Variants in PLCL1 observed in about 807,000 individuals in gnomAD.
PLCL1 encodes phospholipase C like 1 (inactive).
PLCL1 carries 41 observed loss-of-function variants against 84.4 expected under a neutral mutation model. That is an observed-to-expected ratio of 0.49 (90% CI 0.38 to 0.63). PLCL1 has a LOEUF of 0.63. PLCL1 is among the 30% of genes least tolerant of loss of function. PLCL1 has a pLI of 0.00. For synonymous variants in PLCL1, 490 were observed against 488.3 expected, an observed-to-expected ratio of 1.00 and a Z score of -0.05; for missense variants, 1,206 against 1,367.8, an observed-to-expected ratio of 0.88 and a Z score of 1.87.
intron 1 of PLCL1, chr2:198,071,016 A>C: frequency 1.1e-6 from 1 of 922,352 alleles, no homozygotes; most frequent in African/African-American, 1.8e-5. Flanking sequence ...ATATTCTTCC[A>C]GACTTGTCAT....
intron 1 of PLCL1, among the ~76,000 whole-genome samples, chr2:197,880,352 A>T (rs1024825004): frequency 2.6e-5 from 4 of 152,102 alleles, no homozygotes; most frequent in Non-Finnish European, 5.9e-5. Context: ...TTTTAGAAAT[A>T]TGTTTGAATG....
chr2:198,138,568 T>C (rs1694311093), intron 5 of PLCL1, among the ~76,000 whole-genome samples: 1 of 152,124 alleles, frequency 6.6e-6, no homozygotes, highest in East Asian at 1.9e-4. Context: ...TACAAGAAGT[T>C]GTTTGAAGGC....
At chr2:197,918,365 T>C (rs746619756) in intron 1 of PLCL1, among the ~76,000 whole-genome samples, 2 of 152,066 alleles carry the variant, frequency 1.3e-5, no homozygotes, top group Non-Finnish European at 2.9e-5. Context: ...GTTTCCTGGA[T>C]GAGAGCCTGG....
chr2:197,843,797 C>G (rs974016966), intron 1 of PLCL1, among the ~76,000 whole-genome samples: 4 of 152,166 alleles, frequency 2.6e-5, no homozygotes, highest in Non-Finnish European at 4.4e-5. Context: ...AATATAGAAA[C>G]TTACTCTTAT....
chr2:197,818,790 T>C (rs1690744155), intron 1 of PLCL1, among the ~76,000 whole-genome samples: 1 of 152,034 alleles, frequency 6.6e-6, no homozygotes, highest in Non-Finnish European at 1.5e-5. Flanking sequence ...TGAAAGACAC[T>C]GAGTTACTGG....
chr2:197,864,017 T>G (rs1360888101), intron 1 of PLCL1, among the ~76,000 whole-genome samples: 2 of 152,124 alleles, frequency 1.3e-5, no homozygotes, highest in Non-Finnish European at 2.9e-5. Context: ...AGCAGAGTAT[T>G]TAGTAGGAGG....
At chr2:197,898,271 G>T (rs989423111) in intron 1 of PLCL1, among the ~76,000 whole-genome samples, 2 of 152,178 alleles carry the variant, frequency 1.3e-5, no homozygotes, top group Non-Finnish European at 2.9e-5. Flanking sequence ...CATGAGGTAG[G>T]TTACTGGGCT....
At chr2:198,090,050 C>T (rs11684176) in intron 3 of PLCL1, among the ~76,000 whole-genome samples, 58,212 of 151,888 alleles carry the variant, frequency 0.38, 12,488 homozygotes, top group Middle Eastern at 0.62. Context: ...AAAATGCTTA[C>T]GAGTTTGATC....
At chr2:198,144,471 G>A (rs1694467910) in intron 5 of PLCL1, among the ~76,000 whole-genome samples, 1 of 152,046 alleles carries the variant, frequency 6.6e-6, no homozygotes, top group African/African-American at 2.4e-5. Context: ...AATATAGATA[G>A]TACCAAGATA....
chr2:197,831,357 A>AG (rs916801793), intron 1 of PLCL1, among the ~76,000 whole-genome samples: 1 of 152,164 alleles, frequency 6.6e-6, no homozygotes. Context: ...AAAAAAAAGC[A>AG]GGGGTGGCAA....
intron 1 of PLCL1, among the ~76,000 whole-genome samples, chr2:197,877,692 T>C (rs1432032620): frequency 6.6e-6 from 1 of 152,152 alleles, no homozygotes; most frequent in East Asian, 1.9e-4. Context: ...CTTAAATATA[T>C]GTCAAAAAGA....
chr2:197,811,994 T>C (rs1690597222), intron 1 of PLCL1, among the ~76,000 whole-genome samples: 1 of 152,196 alleles, frequency 6.6e-6, no homozygotes, highest in Non-Finnish European at 1.5e-5. Context: ...GTCCCCAGTA[T>C]TTATTGTTCC....
In PLCL1 at chr2:197,966,531, G is replaced by A. The variant is rs535808216; in HGVS notation, c.241-117227G>A. The stretch of plus-strand genomic sequence containing the variant: ...TTCTGCTGTGACAGGGCAAGACTGA[G>A]TTTCAGTGTAAAGTCTAACAATCAC... On this transcript the variant is annotated intron_variant, in intron 1 of 5. Transcript: ENST00000428675. Among the ~76,000 whole-genome samples, 11 of 152,242 alleles carry A rather than the reference G, an allele frequency of 7.2e-5. No homozygotes were observed. The South Asian group carries it at 2.3e-3, about 32-fold the overall frequency.
At position 198,130,437 on chromosome 2, in the gene PLCL1, A is replaced by G. The variant is rs561871826; in HGVS notation, c.3106-16343A>G. On this transcript the variant is annotated intron_variant, in intron 5 of 5. Transcript: ENST00000428675. The stretch of plus-strand genomic sequence containing the variant: ...GCAAAGGGTTTTGATTATCTTCACC[A>G]TGCTGTCAAATCTCAAGTGTGTATT... 3.1e-3 allele frequency among the ~76,000 whole-genome samples: 476 copies of G among 152,218 alleles called. 1 individual carries two copies. Among genetic ancestry groups the G allele is most frequent in the Non-Finnish European group, 5.6e-3 (381 of 68,016 alleles).
chr2:198,114,205 G>A (rs1425516286), intron 5 of PLCL1, among the ~76,000 whole-genome samples: 1 of 151,820 alleles, frequency 6.6e-6, no homozygotes, highest in Non-Finnish European at 1.5e-5. Flanking sequence ...CTGGTTACAT[G>A]GTGTCCAGAT....
At chr2:197,974,847 A>G (rs143334815) in intron 1 of PLCL1, among the ~76,000 whole-genome samples, 1 of 152,348 alleles carries the variant, frequency 6.6e-6, no homozygotes, top group East Asian at 1.9e-4. Flanking sequence ...TAGCTATAGT[A>G]AGAGTGATGC....
Position 198,147,143 on chromosome 2 carries a change from G to T in PLCL1, c.*181G>T. 2.0e-6 allele frequency: 1 copy of T among 497,724 alleles called. No homozygotes were observed. The highest frequency in any genetic ancestry group is 3.5e-5 in the Admixed American group (1 of 28,262). The allele number at this position is 497,724 out of a possible 1,614,324, so 30.8% of individuals were successfully genotyped here. ...TAATTTATCTAAATTAAAGCCTTTA[G>T]TATCAGTGTTTTAAATTCTGAGACA... On this transcript the variant is annotated 3_prime_UTR_variant, in exon 6 of 6. Transcript: ENST00000428675.
At chr2:197,987,089 T>G (rs1375244174) in intron 1 of PLCL1, among the ~76,000 whole-genome samples, 2 of 152,130 alleles carry the variant, frequency 1.3e-5, no homozygotes, top group Non-Finnish European at 2.9e-5. Flanking sequence ...TACTGAAAAA[T>G]AGCTAAAATA....
At chr2:198,006,881 A>G (rs1413036424) in intron 1 of PLCL1, among the ~76,000 whole-genome samples, 2 of 152,182 alleles carry the variant, frequency 1.3e-5, no homozygotes, top group East Asian at 1.9e-4. Context: ...ACCAGTTTCT[A>G]AAGGCACCTG....
Sources: allele counts gnomAD v4.1 joint callset (sites outside exome capture counted in the v4.1 genomes callset), GRCh38; gene constraint gnomAD v4.1.1; transcripts MANE v1.5; gene names NCBI Gene and HGNC (gene_info 2026-07-23, HGNC 2026-07-21).